ZFHX3: variants seen among roughly 807,000 people sequenced by gnomAD.
The protein encoded by ZFHX3 is zinc finger homeobox protein 3.
In ZFHX3, 42 loss-of-function variants were observed where a neutral mutation model predicts 279.1. That is an observed-to-expected ratio of 0.15 (90% confidence interval 0.12 to 0.19). ZFHX3 has a LOEUF of 0.19. Ranked by LOEUF, ZFHX3 falls within the 10% of genes least tolerant of loss-of-function variation. ZFHX3 has a pLI of 1.00. For synonymous variants in ZFHX3, 2,293 were observed against 1,957.8 expected (o/e 1.17, Z -4.52); for missense variants, 4,981 against 4,754.0 (o/e 1.05, Z -1.40).
At chr16:73,095,216 C>T (rs912970816) in intron 7 of ZFHX3, among the ~76,000 whole-genome samples, 3 of 152,050 alleles carry the variant, frequency 2.0e-5, no homozygotes, top group African/African-American at 7.2e-5. Context: ...TGAGCCACTG[C>T]GCCTGGCTCT....
intron 4 of ZFHX3, among the ~76,000 whole-genome samples, chr16:73,308,959 A>G (rs1203736757): frequency 6.6e-6 from 1 of 152,078 alleles, no homozygotes; most frequent in African/African-American, 2.4e-5. Flanking sequence ...ACCAATGAGG[A>G]AGTTAGATCC....
chr16:73,456,035 C>A (rs1176856862), exon 3 of ZFHX3: 1 of 152,098 alleles, frequency 6.6e-6, no homozygotes, highest in Non-Finnish European at 1.5e-5. Context: ...CTCCTCCAGT[C>A]CTGGAGACCA....
intron 2 of ZFHX3, among the ~76,000 whole-genome samples, chr16:73,461,281 T>A (rs2018466182): frequency 6.6e-6 from 1 of 152,342 alleles, no homozygotes; most frequent in South Asian, 2.1e-4. Flanking sequence ...GTTTTAAGTG[T>A]TCTTTATATA....
intron 1 of ZFHX3, among the ~76,000 whole-genome samples, chr16:73,740,712 A>G (rs1479179432): frequency 6.6e-6 from 1 of 152,214 alleles, no homozygotes; most frequent in Non-Finnish European, 1.5e-5. Flanking sequence ...CTTGGGGTTC[A>G]GAACCTGAGA....
intron 1 of ZFHX3, among the ~76,000 whole-genome samples, chr16:73,831,032 T>A (rs1184076906): frequency 6.6e-6 from 1 of 152,170 alleles, no homozygotes; most frequent in Non-Finnish European, 1.5e-5. Flanking sequence ...AGATGTTACA[T>A]ATTTCTCTTC....
intron 3 of ZFHX3, among the ~76,000 whole-genome samples, chr16:72,918,245 G>A (rs900890087): frequency 2.6e-5 from 4 of 151,972 alleles, no homozygotes; most frequent in African/African-American, 9.7e-5. Context: ...GATGGTAAGG[G>A]GTTTGGAAAC....
chr16:73,324,024 T>C (rs2015631151), intron 3 of ZFHX3, among the ~76,000 whole-genome samples: 1 of 152,012 alleles, frequency 6.6e-6, no homozygotes, highest in Non-Finnish European at 1.5e-5. Flanking sequence ...TGGGCCCGAG[T>C]GTATGGTAGA....
At chr16:73,654,638 A>G (rs1311714157) in intron 2 of ZFHX3, among the ~76,000 whole-genome samples, 3 of 152,060 alleles carry the variant, frequency 2.0e-5, no homozygotes, top group Non-Finnish European at 4.4e-5. Context: ...TGTAAACCAA[A>G]TTATTGTTGT....
At chr16:73,704,078 A>C (rs2053279584) in intron 1 of ZFHX3, among the ~76,000 whole-genome samples, 2 of 152,178 alleles carry the variant, frequency 1.3e-5, no homozygotes, top group Non-Finnish European at 2.9e-5. Flanking sequence ...AGAAATGGAA[A>C]TTACGCAATT....
chr16:72,839,145 T>C (rs1241740562), intron 4 of ZFHX3, among the ~76,000 whole-genome samples: 1 of 152,122 alleles, frequency 6.6e-6, no homozygotes, highest in African/African-American at 2.4e-5. Flanking sequence ...CAGAGCGTGA[T>C]GTGATTGTGT....
At chr16:73,386,031 C>T (rs111974149) in intron 3 of ZFHX3, among the ~76,000 whole-genome samples, 3 of 152,192 alleles carry the variant, frequency 2.0e-5, no homozygotes, top group African/African-American at 7.2e-5. Context: ...TGGTCTAACA[C>T]AAAGAAGCAC....
At chr16:73,261,892 C>T (rs1279525132) in intron 4 of ZFHX3, among the ~76,000 whole-genome samples, 2 of 152,080 alleles carry the variant, frequency 1.3e-5, no homozygotes, top group Non-Finnish European at 2.9e-5. Flanking sequence ...TCAGACTGGT[C>T]TCAAACTCCT....
chr16:73,384,701 A>T (rs2016869586), intron 3 of ZFHX3, among the ~76,000 whole-genome samples: 1 of 152,204 alleles, frequency 6.6e-6, no homozygotes, highest in East Asian at 1.9e-4. Context: ...CAAGGAAGAG[A>T]CTGGAACATT....
At chr16:73,836,465 C>A (rs1961147282) in intron 1 of ZFHX3, among the ~76,000 whole-genome samples, 1 of 152,126 alleles carries the variant, frequency 6.6e-6, no homozygotes, top group East Asian at 1.9e-4. Flanking sequence ...AGATTCAGGA[C>A]TTGAGTCATT....
At chr16:73,045,133 A>G (rs1298323753) in intron 1 of ZFHX3, among the ~76,000 whole-genome samples, 1 of 152,200 alleles carries the variant, frequency 6.6e-6, no homozygotes, top group Non-Finnish European at 1.5e-5. Flanking sequence ...TTGTAGGTGG[A>G]AGAAAAAAAG....
At chr16:73,637,737 G>A (rs538440969) in intron 2 of ZFHX3, among the ~76,000 whole-genome samples, 11 of 151,888 alleles carry the variant, frequency 7.2e-5, no homozygotes, top group African/African-American at 2.7e-4. Flanking sequence ...TTACACATTA[G>A]AAAATATTAT....
At chr16:72,841,037 G>A (rs915062735) in intron 4 of ZFHX3, among the ~76,000 whole-genome samples, 2 of 152,158 alleles carry the variant, frequency 1.3e-5, no homozygotes, top group Non-Finnish European at 2.9e-5. Context: ...AGAATGCAAT[G>A]CTAGAAACGT....
intron 2 of ZFHX3, among the ~76,000 whole-genome samples, chr16:73,461,174 A>G (rs1484068514): frequency 6.6e-6 from 1 of 152,118 alleles, no homozygotes; most frequent in African/African-American, 2.4e-5. Flanking sequence ...ACATTTTTCC[A>G]TGTGCTCATT....
chr16:73,168,248 T>TTTCTTTCTTTC (rs1967434698), intron 5 of ZFHX3, among the ~76,000 whole-genome samples: 2 of 147,860 alleles, frequency 1.4e-5, no homozygotes, highest in Non-Finnish European at 3.0e-5. Flanking sequence ...TCTTTCTTTC[T>TTTCTTTCTTTC]TTCTTTCTTT....
Sources: allele counts gnomAD v4.1 joint callset (sites outside exome capture counted in the v4.1 genomes callset), GRCh38; gene constraint gnomAD v4.1.1; transcripts MANE v1.5; gene names NCBI Gene and HGNC (gene_info 2026-07-23, HGNC 2026-07-21).